The following ZNF573 variants were observed in gnomAD, a reference collection of about 807,000 sequenced individuals.
The protein encoded by ZNF573 is zinc finger protein 573.
In ZNF573, 41 loss-of-function variants were observed where a neutral mutation model predicts 57.4. The observed-to-expected ratio is 0.71, with a 90% CI of 0.56 to 0.93. The LOEUF (loss-of-function observed/expected upper bound fraction) is 0.93. Among genes scored for constraint, ZNF573 ranks in the 40% least tolerant of loss-of-function variants. The probability of loss-of-function intolerance (pLI) is 0.00; values close to 1 mark genes in which losing one functional copy is unlikely to be tolerated. For synonymous variants in ZNF573, 249 were observed against 261.0 expected, an observed-to-expected ratio of 0.95 and a Z score of 0.44; for missense variants, 730 against 794.8, an observed-to-expected ratio of 0.92 and a Z score of 0.98.
chr19:37,759,739 A>C (rs565599493), intron 4 of ZNF573, among the ~76,000 whole-genome samples: 4 of 152,206 alleles, frequency 2.6e-5, no homozygotes, highest in Admixed American at 2.6e-4. Context: ...AAAAATAAAT[A>C]AATAAATAAA....
At chr19:37,742,054 A>G (rs557992413) in intron 4 of ZNF573, among the ~76,000 whole-genome samples, 1 of 152,332 alleles carries the variant, frequency 6.6e-6, no homozygotes, top group Non-Finnish European at 1.5e-5. Context: ...GAGCCAAATC[A>G]TGAATGAACT....
chr19:37,759,393 AG>A (rs569024675), intron 4 of ZNF573, among the ~76,000 whole-genome samples: 22 of 152,328 alleles, frequency 1.4e-4, no homozygotes, highest in South Asian at 4.1e-4. Context: ...TTTAGTTTTA[AG>A]GGTTTTTAAA....
chr19:37,762,436 G>T (rs1251309827), intron 4 of ZNF573, among the ~76,000 whole-genome samples: 1 of 152,060 alleles, frequency 6.6e-6, no homozygotes, highest in Non-Finnish European at 1.5e-5. Flanking sequence ...TGTGGGCAAA[G>T]GGTTAACAAA....
At chr19:37,776,410 C>T (rs1397602468) in intron 1 of ZNF573, among the ~76,000 whole-genome samples, 1 of 152,186 alleles carries the variant, frequency 6.6e-6, no homozygotes, top group Non-Finnish European at 1.5e-5. Flanking sequence ...AAAAATGGTA[C>T]TGGGATAATT....
At chr19:37,751,715 T>C (rs182332184) in intron 4 of ZNF573, among the ~76,000 whole-genome samples, 4 of 142,872 alleles carry the variant, frequency 2.8e-5, no homozygotes, top group Admixed American at 2.1e-4. Flanking sequence ...ATATAGTACA[T>C]AGTACCGTAT....
chr19:37,769,904 G>A (rs2045639318), intron 4 of ZNF573, 101 bp downstream of exon 4: 1 of 951,392 alleles, frequency 1.1e-6, no homozygotes, highest in Non-Finnish European at 1.7e-6. Context: ...CCACAAGTCT[G>A]GGTGCCTTGG....
rs1343932181 is a variant in ZNF573 at position 37,758,203 on chromosome 19, ATAT to A, written c.295+11799_295+11801del. Among the ~76,000 whole-genome samples the A allele has an allele frequency of 3.1e-3, 160 of 52,028 alleles. 22 individuals carry two copies. The highest frequency in any genetic ancestry group is 0.011 in the Middle Eastern group (1 of 92). 34.1% of individuals were successfully genotyped at this position (52,028 alleles called of 152,430 possible). On this transcript the variant is annotated intron_variant, in intron 4 of 4. Transcript: ENST00000536220. ...ACCCTAGAACTTAAAGTATAATAAA[ATAT>A]ATATATATATATATATATATATATA...
At chr19:37,769,739 A>G (rs1183664961) in intron 4 of ZNF573, among the ~76,000 whole-genome samples, 2 of 151,252 alleles carry the variant, frequency 1.3e-5, no homozygotes, top group African/African-American at 4.8e-5. Flanking sequence ...AAAAAAAAAA[A>G]AAAAAAAAAA....
intron 4 of ZNF573, among the ~76,000 whole-genome samples, chr19:37,758,205 ATATATATATATATATAT>A (rs1568420261): frequency 0.021 from 744 of 36,068 alleles, 89 homozygotes; most frequent in East Asian, 0.11. Context: ...ATAATAAAAT[ATATATATATATATATAT>A]ATATATATAT....
At chr19:37,757,191 G>GTTATTA (rs150921074) in intron 4 of ZNF573, among the ~76,000 whole-genome samples, 126 of 151,316 alleles carry the variant, frequency 8.3e-4, no homozygotes, top group Non-Finnish European at 1.4e-3. Flanking sequence ...TATTATTGTT[G>GTTATTA]TTATTATTAT....
At chr19:37,748,802 C>G (rs1462274669) in intron 4 of ZNF573, among the ~76,000 whole-genome samples, 1 of 152,020 alleles carries the variant, frequency 6.6e-6, no homozygotes, top group Non-Finnish European at 1.5e-5. Flanking sequence ...TGGCGGGCGC[C>G]TGTAGTCCCA....
chr19:37,773,333 A>G (rs2045676395), intron 2 of ZNF573, among the ~76,000 whole-genome samples: 1 of 152,224 alleles, frequency 6.6e-6, no homozygotes, highest in African/African-American at 2.4e-5. Flanking sequence ...AAATAGGACC[A>G]ACATCTCTAA....
intron 4 of ZNF573, among the ~76,000 whole-genome samples, chr19:37,745,589 T>C (rs1239331543): frequency 1.3e-5 from 2 of 151,968 alleles, no homozygotes; most frequent in Admixed American, 1.3e-4. Flanking sequence ...AGAGACAGGG[T>C]TTCACCATGT....
intron 2 of ZNF573, chr19:37,773,102 T>A (rs1036683772): frequency 4.3e-6 from 2 of 467,098 alleles, no homozygotes; most frequent in Admixed American, 1.3e-4. Flanking sequence ...AATAAAAAAA[T>A]GTCACCCAAG....
At chr19:37,764,657 G>A (rs1175864494) in intron 4 of ZNF573, among the ~76,000 whole-genome samples, 1 of 148,862 alleles carries the variant, frequency 6.7e-6, no homozygotes, top group Non-Finnish European at 1.5e-5. Context: ...AGGCTGGACT[G>A]CAGTGGTGCT....
Position 37,738,500 on chromosome 19 carries a change from T to G in ZNF573, c.1990A>C (p.Lys664Gln). 1.3e-6 allele frequency: 2 copies of G among 1,531,986 alleles called. No individual in the cohort carries two copies. Among genetic ancestry groups the G allele is most frequent in the Non-Finnish European group, 8.7e-7 (1 of 1,144,092 alleles). 94.9% of individuals were successfully genotyped at this position (1,531,986 alleles called of 1,614,324 possible). A position where few individuals can be genotyped will look rare whatever the true frequency, so the allele number is the denominator to read the frequency against. ...TCGTACTCTTTACGGTCTTACACTT[T>G]TATGCTCCTATGAATTCTCTGATGG... ...KAHQRIHRSIKV is the reference protein window; with the variant it reads ...KAHQRIHRSIQV The change falls in exon 5 of 5, where the codon AAA becomes CAA. Residue 664 changes from lysine (K) to glutamine (Q), a missense_variant. By Grantham distance (53) the Lys-to-Gln change is moderately conservative. Transcript: ENST00000536220.
chr19:37,763,113 C>T (rs995333006), intron 4 of ZNF573, among the ~76,000 whole-genome samples: 1 of 152,022 alleles, frequency 6.6e-6, no homozygotes, highest in East Asian at 1.9e-4. Flanking sequence ...ACACTCCTGC[C>T]GTGTGGATCT....
chr19:37,768,674 T>C (rs1599705310), intron 4 of ZNF573, among the ~76,000 whole-genome samples: 1 of 152,176 alleles, frequency 6.6e-6, no homozygotes, highest in Admixed American at 6.6e-5. Flanking sequence ...TATTTATTTA[T>C]TTATTTTTTG....
At position 37,738,569 on chromosome 19, in the gene ZNF573, TAC is replaced by T; in HGVS notation, c.1919_1920del (p.Cys640Ter). The T allele has an allele frequency of 6.2e-7, 1 of 1,601,422 alleles. No individual in the cohort carries two copies. Among genetic ancestry groups the T allele is most frequent in the Non-Finnish European group, 8.5e-7 (1 of 1,175,022 alleles). Reference sequence around the variant, plus strand: ...TATCTGAAGGTTTTCCCACACTGCTTACACACATAGGGTTTCTCACCAGTATG... The same window carrying T: ...TATCTGAAGGTTTTCCCACACTGCTTACACATAGGGTTTCTCACCAGTATG... ...RIHTGEKPYV[C>X]KQCGKTFRYG... On this transcript the variant is annotated frameshift_variant, in exon 5 of 5. Coordinates refer to ENST00000536220, the MANE Select transcript of ZNF573 (RefSeq NM_001172690.2). LOFTEE classifies it high-confidence loss of function.
Sources: gnomAD v4.1 joint callset for allele counts (sites outside exome capture counted in the v4.1 genomes callset) on GRCh38, gnomAD v4.1.1 for gene constraint, MANE v1.5 for transcripts, NCBI Gene and HGNC (gene_info 2026-07-23, HGNC 2026-07-21) for gene names.